Variants in ZBED4 observed in about 807,000 individuals in gnomAD.
ZBED4 encodes the protein zinc finger BED-type containing 4, also known as zinc finger BED domain-containing protein 4.
ZBED4 carries 4 observed loss-of-function variants against 15.5 expected under a neutral mutation model. That is an observed-to-expected ratio of 0.26 (90% CI 0.13 to 0.59). The LOEUF (loss-of-function observed/expected upper bound fraction) is 0.59. Among genes scored for constraint, ZBED4 ranks in the 20% least tolerant of loss-of-function variants. ZBED4 has a pLI of 0.90. For synonymous variants in ZBED4, 692 were observed against 608.5 expected (o/e 1.14, Z -2.02); for missense variants, 1,323 against 1,461.8 (o/e 0.91, Z 1.55).
In ZBED4 at chr22:49,886,422, G is replaced by C; in HGVS notation, c.2760G>C (p.Glu920Asp). Residue 920 changes from glutamate (E) to aspartate (D), a missense_variant, in exon 2 of 2, where the codon GAG becomes GAC. Glu to Asp is a conservative substitution (Grantham distance 45). Coordinates refer to ENST00000216268, the MANE Select transcript of ZBED4 (RefSeq NM_014838.3). This position sits in a 1 kb window ranked among gnomAD's most constrained non-coding sequence, Gnocchi z 7.7. ...TGTCCGTCGAGTGTAACTTCCGAGA[G>C]CTGATCAGCTGCGACCAGTGGGAGG... The part of the protein sequence containing the change: ...NEMSVECNFR[E>D]LISCDQWEVM... 6.3e-7 allele frequency: 1 copy of C among 1,594,014 alleles called. No individual in the cohort carries two copies. The highest frequency in any genetic ancestry group is 8.6e-7 in the Non-Finnish European group (1 of 1,167,186).
At chr22:49,876,733 GATGACTTCTGC>G (rs1439571137) in intron 1 of ZBED4, among the ~76,000 whole-genome samples, 7 of 151,996 alleles carry the variant, frequency 4.6e-5, no homozygotes, top group Non-Finnish European at 7.4e-5. Context: ...TCGTTTTCAT[GATGACTTCTGC>G]ATTGCTCGAG....
At chr22:49,876,049 G>A (rs923334047) in intron 1 of ZBED4, among the ~76,000 whole-genome samples, 5 of 151,186 alleles carry the variant, frequency 3.3e-5, no homozygotes, top group Middle Eastern at 3.4e-3. Flanking sequence ...TTGATACTGC[G>A]TGTAATATAA....
intron 1 of ZBED4, among the ~76,000 whole-genome samples, chr22:49,872,252 C>G (rs539441123): frequency 6.6e-6 from 1 of 152,310 alleles, no homozygotes; most frequent in South Asian, 2.1e-4. Context: ...AGCATCTCCA[C>G]CAGGAGTAGA....
intron 1 of ZBED4, among the ~76,000 whole-genome samples, chr22:49,859,522 C>T (rs965702349): frequency 7.2e-5 from 11 of 152,092 alleles, no homozygotes; most frequent in African/African-American, 2.7e-4. Context: ...TTTCCCAGGC[C>T]TGCGTCAGCT....
At chr22:49,865,611 G>C (rs1426547363) in intron 1 of ZBED4, among the ~76,000 whole-genome samples, 1 of 152,062 alleles carries the variant, frequency 6.6e-6, no homozygotes, top group East Asian at 1.9e-4. Context: ...GGAGGCAGAG[G>C]GTGCAGTGAG....
chr22:49,868,412 T>A (rs1373165908), intron 1 of ZBED4, among the ~76,000 whole-genome samples: 1 of 152,068 alleles, frequency 6.6e-6, no homozygotes, highest in Non-Finnish European at 1.5e-5. Context: ...AAACCCCATC[T>A]CCACAAAAAA....
At chr22:49,864,566 C>T (rs1374622984) in intron 1 of ZBED4, among the ~76,000 whole-genome samples, 1 of 152,190 alleles carries the variant, frequency 6.6e-6, no homozygotes, top group Non-Finnish European at 1.5e-5. Flanking sequence ...CCTATAATCC[C>T]AGCACTTTGG....
chr22:49,866,174 T>C (rs2060321831), intron 1 of ZBED4, among the ~76,000 whole-genome samples: 1 of 152,212 alleles, frequency 6.6e-6, no homozygotes, highest in Non-Finnish European at 1.5e-5. Context: ...TAAATTAGTG[T>C]TATTAGTTGA....
rs549943414 is a variant in ZBED4 at position 49,888,577 on chromosome 22, TG to T, written c.*1401del. 1 of 167,224 alleles carries T rather than the reference TG, an allele frequency of 6.0e-6. No individual in the cohort carries two copies. Among genetic ancestry groups the T allele is most frequent in the Non-Finnish European group, 1.5e-5 (1 of 68,114 alleles). The allele number at this position is 167,224 out of a possible 1,614,324, so 10.4% of individuals were successfully genotyped here. ...AACCCCAGACAGGGCTCCAGGGAAG[TG>T]GAGATGTAATTCTTACAACAACAGT... On this transcript the variant is annotated 3_prime_UTR_variant, in exon 2 of 2. Transcript: ENST00000216268.
At chr22:49,857,552 C>G (rs1213639024) in intron 1 of ZBED4, among the ~76,000 whole-genome samples, 1 of 152,116 alleles carries the variant, frequency 6.6e-6, no homozygotes, top group Non-Finnish European at 1.5e-5. Flanking sequence ...GGAGTCAGAC[C>G]CCTTGCCACT....
chr22:49,859,043 T>A (rs1244857496), intron 1 of ZBED4, among the ~76,000 whole-genome samples: 1 of 151,918 alleles, frequency 6.6e-6, no homozygotes, highest in Non-Finnish European at 1.5e-5. Flanking sequence ...AGTTGGCGAG[T>A]TAGATGAGGG....
rs1321727460 is a variant in ZBED4 at position 49,886,961 on chromosome 22, C to T, written c.3299C>T (p.Pro1100Leu). ...EEEVLEHSCDPLTYWNLKKAS... is the reference protein window; with the variant it reads ...EEEVLEHSCDLLTYWNLKKAS... ...GAGGTGCTTGAACACAGCTGTGACC[C>T]GCTCACCTACTGGAACCTGAAGAAG... The change falls in exon 2 of 2, where the codon CCG becomes CTG. Residue 1100 changes from proline to leucine, a missense_variant. Transcript: ENST00000216268. This position sits in a 1 kb window ranked among gnomAD's most constrained non-coding sequence, Gnocchi z 7.7. The T allele has an allele frequency of 1.2e-6, 2 of 1,614,036 alleles. No homozygotes were observed. Among genetic ancestry groups the T allele is most frequent in the Admixed American group, 1.7e-5 (1 of 60,002 alleles).
At chr22:49,875,295 G>A (rs1242879304) in intron 1 of ZBED4, among the ~76,000 whole-genome samples, 1 of 151,570 alleles carries the variant, frequency 6.6e-6, no homozygotes, top group South Asian at 2.1e-4. Context: ...TTTCTCTGTG[G>A]GAAGGTTTTT....
rs1317772273 is a variant in ZBED4, at chr22:49,872,344, C to T, written c.-329-10990C>T. 3.3e-5 allele frequency among the ~76,000 whole-genome samples: 5 copies of T among 152,160 alleles called. No individual in the cohort carries two copies. The East Asian group carries it at 9.6e-4, about 29-fold the overall frequency. The stretch of plus-strand genomic sequence containing the variant: ...CTCAAGTTTTATCCTAAGAGTACAG[C>T]AATTCCGCCGTATCTTTGGGTTCTG... On this transcript the variant is annotated intron_variant, in intron 1 of 1. Coordinates refer to ENST00000216268, the MANE Select transcript of ZBED4 (RefSeq NM_014838.3).
rs183909010 is a variant in ZBED4, at chr22:49,873,769, A to T, written c.-329-9565A>T. 3.7e-4 allele frequency among the ~76,000 whole-genome samples: 56 copies of T among 152,280 alleles called. 2 individuals are homozygous for T. In the East Asian group the frequency reaches 0.011, roughly 29 times the overall value. On this transcript the variant is annotated intron_variant, in intron 1 of 1. Coordinates refer to ENST00000216268, the MANE Select transcript of ZBED4 (RefSeq NM_014838.3). ...CAAGAAAGGCTCAGAGAGAGTCAAG[A>T]CCAACCTAGAATGAGATGTCTGTTT...
chr22:49,873,979 G>C (rs865971358), intron 1 of ZBED4, among the ~76,000 whole-genome samples: 1 of 152,264 alleles, frequency 6.6e-6, no homozygotes, highest in South Asian at 2.1e-4. Flanking sequence ...GAGCTGGCCC[G>C]TGCCGAGAAC....
intron 1 of ZBED4, among the ~76,000 whole-genome samples, chr22:49,867,687 T>G (rs2060328514): frequency 6.6e-6 from 1 of 152,202 alleles, no homozygotes; most frequent in African/African-American, 2.4e-5. Flanking sequence ...TATCACACGC[T>G]TGATGACATC....
intron 1 of ZBED4, among the ~76,000 whole-genome samples, chr22:49,872,235 T>G (rs181425470): frequency 6.6e-6 from 1 of 152,328 alleles, no homozygotes; most frequent in Admixed American, 6.5e-5. Context: ...ATTTTAACAG[T>G]GTTCATAGCA....
chr22:49,872,704 A>AT (rs756656616), intron 1 of ZBED4, among the ~76,000 whole-genome samples: 4,305 of 144,006 alleles, frequency 0.03, 189 homozygotes, highest in African/African-American at 0.095. Context: ...TAATTTTTAA[A>AT]TTTTTTTTTT....
Sources: gnomAD v4.1 joint callset for allele counts (sites outside exome capture counted in the v4.1 genomes callset) on GRCh38, gnomAD v4.1.1 for gene constraint, Gnocchi (gnomAD v3.1) non-coding constraint, MANE v1.5 for transcripts, NCBI Gene and HGNC (gene_info 2026-07-23, HGNC 2026-07-21) for gene names.